CLEC4M: variants seen among roughly 807,000 people sequenced by gnomAD.
CLEC4M encodes the protein CD209 antigen-like protein 1.
CLEC4M carries 25 observed loss-of-function variants against 39.1 expected under a neutral mutation model. That is an observed-to-expected ratio of 0.64 (90% CI 0.47 to 0.89). The LOEUF (loss-of-function observed/expected upper bound fraction) is 0.89. CLEC4M is among the 40% of genes least tolerant of loss of function. The pLI, the probability that CLEC4M is intolerant of heterozygous loss-of-function variation, is 0.00. For synonymous variants in CLEC4M, 155 were observed against 177.4 expected (o/e 0.87, Z 1.00); for missense variants, 353 against 431.4 (o/e 0.82, Z 1.61).
At chr19:7,766,453 G>T in intron 4 of CLEC4M, 1 of 1,452,006 alleles carries the variant, frequency 6.9e-7, no homozygotes. Context: ...TGGAAGAGAT[G>T]GAGCCAGGAC....
chr19:7,765,743 C>G lies in CLEC4M; in HGVS notation c.320C>G (p.Ser107Cys), dbSNP rs747687031. ...KAAVGELSEK[S>C]KLQEIYQELT... ...GCAGTGGGTGAGCTCTCAGAGAAAT[C>G]CAAGCTGCAGGAGATCTACCAGGAG... Residue 107 changes from serine (S) to cysteine (C), a missense_variant, in exon 4 of 7, where the codon TCC (serine) becomes TGC (cysteine). By Grantham distance (112) the Ser-to-Cys change is moderately radical. Coordinates refer to ENST00000327325, the MANE Select transcript of CLEC4M (RefSeq NM_014257.5). 3 of 1,613,688 alleles carry G rather than the reference C, an allele frequency of 1.9e-6. No homozygotes were observed. In the Admixed American group the frequency reaches 5.0e-5, roughly 27 times the overall value.
In CLEC4M at chr19:7,764,737, T is replaced by C. The variant is rs549845756; in HGVS notation, c.131-448T>C. Among the ~76,000 whole-genome samples the C allele has an allele frequency of 2.0e-5, 3 of 152,284 alleles. No homozygotes were observed. The South Asian group carries it at 6.2e-4, about 32-fold the overall frequency. On this transcript the variant is annotated intron_variant, in intron 2 of 6. Transcript: ENST00000327325. ...TGATCTCCTGACCTTGTGATCTGCC[T>C]GCCTCAGCCTCCCAAAGTGCTGGGA...
At chr19:7,764,964 G>T (rs368793402) in intron 2 of CLEC4M, among the ~76,000 whole-genome samples, 3 of 151,940 alleles carry the variant, frequency 2.0e-5, no homozygotes, top group African/African-American at 4.8e-5. Flanking sequence ...GGAGGTGGGG[G>T]TTGGGACCTA....
intron 1 of CLEC4M, 31 bp from the exon 2 acceptor site, chr19:7,763,362 C>T (rs1568525640): frequency 6.2e-7 from 1 of 1,612,966 alleles, no homozygotes; most frequent in East Asian, 2.2e-5. Flanking sequence ...AAGGGATGGC[C>T]CAGGCTCTGA....
Position 7,766,796 on chromosome 19 carries a change from G to C in CLEC4M, c.925G>C (p.Ala309Pro). ...VRAQLVVIKT[A>P]EEQNFLQLQT... is the part of the protein sequence containing the mutation. Reference sequence around the variant, plus strand: ...GGCCCAGCTCGTCGTAATCAAAACTGCTGAGGAGCAGGTACACGTGGTGGG... The same window carrying C: ...GGCCCAGCTCGTCGTAATCAAAACTCCTGAGGAGCAGGTACACGTGGTGGG... Residue 309 changes from alanine to proline, a missense_variant, in exon 5 of 7, where the codon GCT becomes CCT. Coordinates refer to ENST00000327325, the MANE Select transcript of CLEC4M (RefSeq NM_014257.5). 6.2e-7 allele frequency: 1 copy of C among 1,614,226 alleles called. No individual in the cohort carries two copies. The highest frequency in any genetic ancestry group is 8.5e-7 in the Non-Finnish European group (1 of 1,180,046).
In CLEC4M at chr19:7,766,664, T is replaced by G; in HGVS notation, c.793T>G (p.Cys265Gly). 6.2e-7 allele frequency: 1 copy of G among 1,614,216 alleles called. No homozygotes were observed. The part of the protein sequence containing the change: ...TDLKTAFERL[C>G]RHCPKDWTFF... ...CCAGCCTCCCCCAACAGAACGCCTGTGCCGCCACTGTCCCAAGGACTGGAC... is the reference window on the plus strand; with the variant it reads ...CCAGCCTCCCCCAACAGAACGCCTGGGCCGCCACTGTCCCAAGGACTGGAC... Residue 265 changes from cysteine (C) to glycine (G), a missense_variant, in exon 5 of 7, where the codon TGC (cysteine) becomes GGC (glycine). Transcript: ENST00000327325.
At chr19:7,764,014 G>C (rs1396790644) in intron 2 of CLEC4M, among the ~76,000 whole-genome samples, 1 of 152,000 alleles carries the variant, frequency 6.6e-6, no homozygotes, top group Non-Finnish European at 1.5e-5. Context: ...GGTTCCTCCT[G>C]GGACCTGGAG....
At chr19:7,767,444 C>T in intron 5 of CLEC4M, 72 bp from the exon 6 acceptor site, 1 of 1,188,058 alleles carries the variant, frequency 8.4e-7, no homozygotes, top group Non-Finnish European at 1.2e-6. Context: ...GAACTTTCTG[C>T]CAAGAGACGG....
rs545355620 is a variant in CLEC4M at position 7,768,671 on chromosome 19, C to G, written c.1050-167C>G. The G allele has an allele frequency of 5.2e-4, 334 of 647,092 alleles. 1 individual carries two copies. The African/African-American group carries it at 5.4e-3, about 10-fold the overall frequency. The allele number at this position is 647,092 out of a possible 1,614,324, so 40.1% of individuals were successfully genotyped here. A position where few individuals can be genotyped will look rare whatever the true frequency, so the allele number is the denominator to read the frequency against. On this transcript the variant is annotated intron_variant, in intron 6 of 6. Transcript: ENST00000327325. Reference sequence around the variant, plus strand: ...CAAGGCTGGGATGCAGCAAGAGAGGCAGGAACTGAAGGCAACATGACTCGG... The same window carrying G: ...CAAGGCTGGGATGCAGCAAGAGAGGGAGGAACTGAAGGCAACATGACTCGG...
In CLEC4M at chr19:7,765,669, A is replaced by G. The variant is rs142647144; in HGVS notation, c.246A>G (p.Glu82=). 4.4e-5 allele frequency: 71 copies of G among 1,614,156 alleles called. 1 individual carries two copies. The African/African-American group carries it at 8.0e-4, about 18-fold the overall frequency. Residue 82 remains glutamate (E), a synonymous_variant, in exon 4 of 7, where the codon GAA becomes GAG. Coordinates refer to ENST00000327325, the MANE Select transcript of CLEC4M (RefSeq NM_014257.5). ...VSKVPSSLSQ[E]QSEQDAIYQN... ...AGGTCCCCAGCTCCCTAAGTCAGGA[A>G]CAATCCGAGCAAGACGCAATCTACC...
chr19:7,766,265 T>G lies in CLEC4M; in HGVS notation c.784+58T>G, dbSNP rs371998959. On this transcript the variant is annotated intron_variant, in intron 4 of 6. Coordinates refer to ENST00000327325, the MANE Select transcript of CLEC4M (RefSeq NM_014257.5). ...TGAGATGGTCTCTGTGTGATGTGAC[T>G]TTACTTGAGTTACCAACCCTGCCTG... 192 of 1,604,088 alleles carry G rather than the reference T, an allele frequency of 1.2e-4. 1 individual carries two copies. The African/African-American group carries it at 2.4e-3, about 20-fold the overall frequency.
At chr19:7,764,033 G>A (rs2034135605) in intron 2 of CLEC4M, among the ~76,000 whole-genome samples, 1 of 152,154 alleles carries the variant, frequency 6.6e-6, no homozygotes, top group South Asian at 2.1e-4. Context: ...AGATGTGGAG[G>A]CTGGGACCTG....
intron 4 of CLEC4M, 39 bp from the exon 5 acceptor site, chr19:7,766,617 C>A: frequency 6.2e-7 from 1 of 1,613,348 alleles, no homozygotes; most frequent in Non-Finnish European, 8.5e-7. Flanking sequence ...ATATGGACAA[C>A]CTAATCTGAG....
At chr19:7,763,956 G>A (rs2034132736) in intron 2 of CLEC4M, among the ~76,000 whole-genome samples, 1 of 151,706 alleles carries the variant, frequency 6.6e-6, no homozygotes, top group Non-Finnish European at 1.5e-5. Flanking sequence ...GGAGGTAGAA[G>A]CAGGTATCTG....
chr19:7,766,280 A>G (rs868875), intron 4 of CLEC4M, 73 bp downstream of exon 4: 454,848 of 1,590,608 alleles, frequency 0.29, 66,813 homozygotes, highest in Admixed American at 0.34. Context: ...TTGAGTTACC[A>G]ACCCTGCCTG....
chr19:7,767,849 G>A, intron 6 of CLEC4M: 1 of 521,096 alleles, frequency 1.9e-6, no homozygotes, highest in Non-Finnish European at 3.5e-6. Context: ...CTTGCCCTGT[G>A]GGTAGGTGTG....
intron 2 of CLEC4M, among the ~76,000 whole-genome samples, chr19:7,764,690 A>T (rs2043621844): frequency 6.6e-6 from 1 of 151,850 alleles, no homozygotes; most frequent in South Asian, 2.1e-4. Context: ...ATAGGGTTTC[A>T]CTGTGTTAGC....
At chr19:7,764,270 T>C (rs62126658) in intron 2 of CLEC4M, among the ~76,000 whole-genome samples, 13,588 of 152,032 alleles carry the variant, frequency 0.089, 822 homozygotes, top group Middle Eastern at 0.14. Context: ...ACAAAGATAG[T>C]TATTCAATTG....
At chr19:7,766,559 A>G in intron 4 of CLEC4M, 97 bp from the exon 5 acceptor site, 1 of 1,580,206 alleles carries the variant, frequency 6.3e-7, no homozygotes, top group Admixed American at 1.7e-5. Flanking sequence ...TGGACAGTCA[A>G]GGAAGGGCCC....
Sources: gnomAD v4.1 joint callset for allele counts (sites outside exome capture counted in the v4.1 genomes callset) on GRCh38, gnomAD v4.1.1 for gene constraint, MANE v1.5 for transcripts, NCBI Gene and HGNC (gene_info 2026-07-23, HGNC 2026-07-21) for gene names.